Variants in TIPIN observed in about 807,000 individuals in gnomAD.
TIPIN encodes TIMELESS-interacting protein.
Under a neutral mutation model 35.6 loss-of-function variants are expected in TIPIN, and 29 were observed. That is an observed-to-expected ratio of 0.82 (90% CI 0.61 to 1.11). TIPIN has a LOEUF of 1.11. Ranked by LOEUF, TIPIN falls within the 50% of genes most tolerant of loss-of-function variation. The pLI, the probability that TIPIN is intolerant of heterozygous loss-of-function variation, is 0.00. For missense variants in TIPIN, 296 were observed against 345.4 expected (o/e 0.86, Z 1.13); for synonymous variants, 102 against 121.5 (o/e 0.84, Z 1.06).
At chr15:66,375,930 G>A (rs1291778012) in intron 1 of TIPIN, among the ~76,000 whole-genome samples, 1 of 151,546 alleles carries the variant, frequency 6.6e-6, no homozygotes, top group Non-Finnish European at 1.5e-5. Flanking sequence ...CGGATACACT[G>A]TCTTTACAAA....
chr15:66,386,485 C>G (rs1490811783), intron 1 of TIPIN: 1 of 152,710 alleles, frequency 6.5e-6, no homozygotes, highest in Non-Finnish European at 1.5e-5. Flanking sequence ...GACAAGTTTC[C>G]TATTCCCCAC....
At chr15:66,341,411 T>C (rs1051189255) in intron 6 of TIPIN, 55 bp from the exon 7 acceptor site, 351 of 1,480,584 alleles carry the variant, frequency 2.4e-4, no homozygotes, top group Non-Finnish European at 3.0e-4. Context: ...AGAGAAGGGC[T>C]TCTCATTGAA....
At chr15:66,361,132 C>CA (rs879611205), upstream of TIPIN, among the ~76,000 whole-genome samples, 1,650 of 109,930 alleles carry the variant, frequency 0.015, 9 homozygotes, top group Admixed American at 0.025. Context: ...GACTTTGTCT[C>CA]AAAAAAAAAA....
chr15:66,385,903 G>A (rs1413572622), intron 1 of TIPIN, among the ~76,000 whole-genome samples: 1 of 152,056 alleles, frequency 6.6e-6, no homozygotes, highest in Non-Finnish European at 1.5e-5. Flanking sequence ...TCCAGCCTCA[G>A]CCTCCTCAGT....
intron 1 of TIPIN, among the ~76,000 whole-genome samples, chr15:66,382,640 G>C (rs1447682050): frequency 6.6e-6 from 1 of 151,222 alleles, no homozygotes; most frequent in Admixed American, 6.6e-5. Context: ...CTTCCAAAGT[G>C]CTGGGATTAC....
At chr15:66,361,549 C>T (rs567698253), upstream of TIPIN, among the ~76,000 whole-genome samples, 79 of 129,602 alleles carry the variant, frequency 6.1e-4, no homozygotes, top group African/African-American at 2.2e-3. Flanking sequence ...GCCACTGTGC[C>T]CCACCTGTAA....
At chr15:66,376,937 C>CT (rs1041356112) in intron 1 of TIPIN, among the ~76,000 whole-genome samples, 1 of 151,194 alleles carries the variant, frequency 6.6e-6, no homozygotes, top group African/African-American at 2.4e-5. Flanking sequence ...GGTGAAACCC[C>CT]ATCTCTACTA....
At chr15:66,365,834 C>G (rs976626349) in intron 1 of TIPIN, among the ~76,000 whole-genome samples, 1 of 152,018 alleles carries the variant, frequency 6.6e-6, no homozygotes, top group Non-Finnish European at 1.5e-5. Flanking sequence ...TGTGAGCCAC[C>G]GCGCCCAGCC....
upstream of TIPIN, among the ~76,000 whole-genome samples, chr15:66,360,920 C>T (rs61085279): frequency 5.1e-3 from 769 of 152,188 alleles, 7 homozygotes; most frequent in African/African-American, 0.018. Flanking sequence ...AAGCCAAGAT[C>T]GCACCACTGT....
intron 6 of TIPIN, among the ~76,000 whole-genome samples, chr15:66,345,760 T>TA: frequency 6.6e-6 from 1 of 152,188 alleles, no homozygotes. Flanking sequence ...AGTAAATGTA[T>TA]TTAATCAACA....
chr15:66,373,393 C>T (rs1249793571), intron 1 of TIPIN, among the ~76,000 whole-genome samples: 3 of 150,338 alleles, frequency 2.0e-5, no homozygotes, highest in Non-Finnish European at 1.5e-5. Flanking sequence ...CTCGGGAGGC[C>T]GAGGCAGCAG....
At chr15:66,376,035 G>A (rs531784289) in intron 1 of TIPIN, among the ~76,000 whole-genome samples, 1 of 152,226 alleles carries the variant, frequency 6.6e-6, no homozygotes, top group African/African-American at 2.4e-5. Flanking sequence ...AGGAGTTCAA[G>A]GTTAAAGTGA....
intron 1 of TIPIN, among the ~76,000 whole-genome samples, chr15:66,371,905 T>G (rs2093279104): frequency 6.6e-6 from 1 of 151,896 alleles, no homozygotes; most frequent in African/African-American, 2.4e-5. Flanking sequence ...AGCAATTCTC[T>G]CACCTCAGGC....
At chr15:66,345,950 C>CT (rs869186534) in intron 6 of TIPIN, among the ~76,000 whole-genome samples, 195 of 143,586 alleles carry the variant, frequency 1.4e-3, no homozygotes, top group Middle Eastern at 3.5e-3. Flanking sequence ...AATTTATCTC[C>CT]TTTTTTTTTT....
At chr15:66,352,360 G>A (rs1019425473) in intron 2 of TIPIN, among the ~76,000 whole-genome samples, 153 bp from the exon 3 acceptor site, 2 of 152,158 alleles carry the variant, frequency 1.3e-5, no homozygotes, top group African/African-American at 2.4e-5. Flanking sequence ...GTGCAGTGGT[G>A]CGATCTTGGC....
rs1293812704 is a variant in TIPIN, at chr15:66,341,239, T to C, written c.593A>G (p.Glu198Gly). 1 of 1,613,780 alleles carries C rather than the reference T, an allele frequency of 6.2e-7. No individual in the cohort carries two copies. Among genetic ancestry groups the C allele is most frequent in the Middle Eastern group, 1.7e-4 (1 of 5,804 alleles). Residue 198 changes from glutamate (E) to glycine (G), a missense_variant, in exon 7 of 8, where the codon GAG (glutamate) becomes GGG (glycine). Glu to Gly is a moderately conservative substitution (Grantham distance 98). Transcript: ENST00000261881. The part of the protein sequence containing the change: ...ASELSRSLTE[E>G]QQQRIERNKQ... The stretch of plus-strand genomic sequence containing the variant: ...ATTTCTCTCAATTCTTTGTTGTTGC[T>C]CTTCTGTTAGGCTTCTACTTAACTC...
chr15:66,381,016 A>G (rs556988671), intron 1 of TIPIN, among the ~76,000 whole-genome samples: 1 of 152,194 alleles, frequency 6.6e-6, no homozygotes, highest in African/African-American at 2.4e-5. Context: ...AAATAATACT[A>G]TGTTGATCAT....
chr15:66,348,207 G>A (rs1349457328), intron 6 of TIPIN: 2 of 151,204 alleles, frequency 1.3e-5, no homozygotes, highest in Non-Finnish European at 2.9e-5. Context: ...GGTCTCACTC[G>A]GTTGCCCGGG....
chr15:66,362,198 G>A (rs890172077), intron 1 of TIPIN, among the ~76,000 whole-genome samples: 7 of 151,522 alleles, frequency 4.6e-5, no homozygotes, highest in Admixed American at 2.0e-4. Flanking sequence ...AGCTACTCAG[G>A]AGGCTGAGGC....
Sources: allele counts gnomAD v4.1 joint callset (sites outside exome capture counted in the v4.1 genomes callset), GRCh38; gene constraint gnomAD v4.1.1; transcripts MANE v1.5; gene names NCBI Gene and HGNC (gene_info 2026-07-23, HGNC 2026-07-21).